Variants in PIBF1 observed in about 807,000 individuals in gnomAD.
PIBF1 encodes progesterone-induced-blocking factor 1.
In PIBF1, 90 loss-of-function variants were observed where a neutral mutation model predicts 112.5. The observed-to-expected ratio is 0.80, with a 90% confidence interval of 0.67 to 0.95. The LOEUF (loss-of-function observed/expected upper bound fraction) is 0.95. Among genes scored for constraint, PIBF1 ranks in the 40% least tolerant of loss-of-function variants. PIBF1 has a pLI of 0.00. For missense variants in PIBF1, 915 were observed against 852.3 expected (o/e 1.07, Z -0.92); for synonymous variants, 301 against 288.6 (o/e 1.04, Z -0.44).
At chr13:72,876,819 C>T (rs1487455946) in intron 10 of PIBF1, among the ~76,000 whole-genome samples, 1 of 152,162 alleles carries the variant, frequency 6.6e-6, no homozygotes, top group African/African-American at 2.4e-5. Context: ...CAGTAGTTTT[C>T]AGCCAATTCT....
chr13:72,852,105 T>C (rs1377460663), intron 9 of PIBF1, among the ~76,000 whole-genome samples: 1 of 152,198 alleles, frequency 6.6e-6, no homozygotes, highest in African/African-American at 2.4e-5. Context: ...TGGGACCTGC[T>C]TAATGGTGGG....
chr13:72,876,385 C>T (rs1388912315), intron 10 of PIBF1, among the ~76,000 whole-genome samples: 1 of 151,892 alleles, frequency 6.6e-6, no homozygotes, highest in African/African-American at 2.4e-5. Context: ...TAGTTTTATT[C>T]TTCTCTTTCC....
chr13:72,973,567 TAA>T (rs768428768), intron 15 of PIBF1, 22 bp from the exon 16 acceptor site: 1 of 1,312,980 alleles, frequency 7.6e-7, no homozygotes, highest in Non-Finnish European at 1.1e-6. Flanking sequence ...AATGACTTTT[TAA>T]AACTGGGGTT....
chr13:72,958,704 G>C (rs531075091), intron 14 of PIBF1, among the ~76,000 whole-genome samples: 2 of 152,132 alleles, frequency 1.3e-5, no homozygotes. Flanking sequence ...TATTTTAATT[G>C]GTTGAAATGT....
intron 17 of PIBF1, among the ~76,000 whole-genome samples, chr13:73,006,832 G>A (rs1020677754): frequency 3.9e-5 from 6 of 151,924 alleles, no homozygotes; most frequent in African/African-American, 1.5e-4. Context: ...TCAGTTATTT[G>A]TTTCCAAAAT....
intron 11 of PIBF1, among the ~76,000 whole-genome samples, chr13:72,905,545 A>C (rs946591851): frequency 1.3e-5 from 2 of 152,174 alleles, no homozygotes; most frequent in African/African-American, 4.8e-5. Context: ...AGACAAGCAA[A>C]ATTTGTAGAT....
At chr13:72,926,364 G>A (rs1237538516) in intron 13 of PIBF1, among the ~76,000 whole-genome samples, 2 of 152,088 alleles carry the variant, frequency 1.3e-5, no homozygotes, top group Non-Finnish European at 2.9e-5. Context: ...AACCTACACA[G>A]CAAATGAAAA....
chr13:72,899,826 C>T (rs906404322), intron 11 of PIBF1, among the ~76,000 whole-genome samples: 2 of 152,156 alleles, frequency 1.3e-5, no homozygotes, highest in African/African-American at 4.8e-5. Context: ...TCCCTGTTTG[C>T]TGACCATATG....
intron 8 of PIBF1, among the ~76,000 whole-genome samples, chr13:72,830,280 C>T (rs776151414): frequency 1.3e-5 from 2 of 152,064 alleles, no homozygotes; most frequent in Non-Finnish European, 2.9e-5. Flanking sequence ...TTTCTCTTTC[C>T]TGATTGCCCT....
intron 14 of PIBF1, among the ~76,000 whole-genome samples, chr13:72,961,558 A>G (rs555388875): frequency 4.6e-4 from 70 of 152,284 alleles, no homozygotes; most frequent in African/African-American, 1.7e-3. Flanking sequence ...ATGTTTAAAC[A>G]TATATAAAAG....
chr13:72,843,492 A>C (rs980550563), intron 9 of PIBF1, among the ~76,000 whole-genome samples: 1 of 152,134 alleles, frequency 6.6e-6, no homozygotes, highest in Non-Finnish European at 1.5e-5. Context: ...GCTCACTGCA[A>C]CCTCTGCCTC....
intron 10 of PIBF1, among the ~76,000 whole-genome samples, chr13:72,876,468 AATAG>A (rs2039411032): frequency 6.6e-6 from 1 of 152,100 alleles, no homozygotes; most frequent in Non-Finnish European, 1.5e-5. Context: ...ATATCCACAA[AATAG>A]ATTGTTGGGA....
At chr13:72,851,804 T>C (rs115784589) in intron 9 of PIBF1, among the ~76,000 whole-genome samples, 3,359 of 152,330 alleles carry the variant, frequency 0.022, 138 homozygotes, top group African/African-American at 0.077. Flanking sequence ...CCCCAGACTC[T>C]GGCAGACCTC....
At chr13:72,842,459 A>G (rs1165037031) in intron 9 of PIBF1, among the ~76,000 whole-genome samples, 2 of 152,370 alleles carry the variant, frequency 1.3e-5, no homozygotes, top group Non-Finnish European at 2.9e-5. Context: ...TGCCGAATCA[A>G]TAAAAACCAT....
At chr13:72,823,011 C>T (rs2138131662) in intron 6 of PIBF1, among the ~76,000 whole-genome samples, 1 of 152,286 alleles carries the variant, frequency 6.6e-6, no homozygotes, top group Middle Eastern at 3.4e-3. Context: ...GGGAGGACTG[C>T]TTAAGCCCAG....
chr13:72,836,288 A>G (rs1020358978), intron 9 of PIBF1, among the ~76,000 whole-genome samples: 25 of 152,222 alleles, frequency 1.6e-4, no homozygotes, highest in Non-Finnish European at 7.4e-5. Context: ...TTTAATGAGA[A>G]AATTATTTTG....
intron 17 of PIBF1, among the ~76,000 whole-genome samples, chr13:73,011,327 C>T (rs2044196230): frequency 6.6e-6 from 1 of 152,162 alleles, no homozygotes; most frequent in Non-Finnish European, 1.5e-5. Flanking sequence ...AAACTCCAGT[C>T]ATAGAAGGAA....
At chr13:72,931,751 TTTTAC>T (rs2041710121) in intron 14 of PIBF1, among the ~76,000 whole-genome samples, 1 of 144,134 alleles carries the variant, frequency 6.9e-6, no homozygotes, top group Non-Finnish European at 1.5e-5. Flanking sequence ...TATGTATGCA[TTTTAC>T]ATAGCATTTT....
At chr13:72,851,893 C>T (rs973621579) in intron 9 of PIBF1, among the ~76,000 whole-genome samples, 5 of 152,180 alleles carry the variant, frequency 3.3e-5, no homozygotes, top group Non-Finnish European at 5.9e-5. Context: ...TAGAGACAAC[C>T]TGCCTGCAGA....
Sources: allele counts gnomAD v4.1 joint callset (sites outside exome capture counted in the v4.1 genomes callset), GRCh38; gene constraint gnomAD v4.1.1; transcripts MANE v1.5; gene names NCBI Gene and HGNC (gene_info 2026-07-23, HGNC 2026-07-21).